The following BRINP1 variants were observed in gnomAD, a reference collection of about 807,000 sequenced individuals.
The protein encoded by BRINP1 is BMP/retinoic acid inducible neural specific 1.
BRINP1 carries 17 observed loss-of-function variants against 72.9 expected under a neutral mutation model. That is an observed-to-expected ratio of 0.23 (90% CI 0.16 to 0.35). The LOEUF (loss-of-function observed/expected upper bound fraction) is 0.35. Among genes scored for constraint, BRINP1 ranks in the 10% least tolerant of loss-of-function variants. BRINP1 has a pLI of 1.00. For missense variants in BRINP1, 850 were observed against 1,001.6 expected (o/e 0.85, Z 2.04); for synonymous variants, 418 against 378.5 (o/e 1.10, Z -1.21).
chr9:119,303,807 C>A (rs748240649), intron 2 of BRINP1, among the ~76,000 whole-genome samples: 9 of 151,980 alleles, frequency 5.9e-5, no homozygotes, highest in Non-Finnish European at 1.0e-4. Context: ...GGGGTGGATA[C>A]TTCAGGTATT....
At chr9:119,284,448 T>G (rs1359828296) in intron 2 of BRINP1, among the ~76,000 whole-genome samples, 1 of 152,216 alleles carries the variant, frequency 6.6e-6, no homozygotes, top group South Asian at 2.1e-4. Flanking sequence ...AGCCTCATTT[T>G]AAAAATGGAT....
At chr9:119,362,543 ACCC>A (rs1268940285) in intron 1 of BRINP1, among the ~76,000 whole-genome samples, 1 of 152,048 alleles carries the variant, frequency 6.6e-6, no homozygotes, top group South Asian at 2.1e-4. Flanking sequence ...TCATCACCAT[ACCC>A]CCCAAGTCAC....
intron 2 of BRINP1, among the ~76,000 whole-genome samples, chr9:119,290,370 AATT>A (rs1175415423): frequency 8.5e-5 from 13 of 152,154 alleles, no homozygotes; most frequent in Admixed American, 5.9e-4. Flanking sequence ...GTTACTATAA[AATT>A]ATTATTATTA....
chr9:119,308,973 GAA>G (rs34551014), intron 2 of BRINP1, among the ~76,000 whole-genome samples: 8 of 146,552 alleles, frequency 5.5e-5, no homozygotes, highest in South Asian at 2.2e-4. Flanking sequence ...TCACAGTTAG[GAA>G]AAAAAAAAAC....
intron 1 of BRINP1, among the ~76,000 whole-genome samples, chr9:119,316,046 G>A (rs1037054912): frequency 3.9e-5 from 6 of 152,262 alleles, no homozygotes; most frequent in African/African-American, 1.4e-4. Flanking sequence ...CCAGAAGATC[G>A]AGCTTCAATT....
intron 7 of BRINP1, among the ~76,000 whole-genome samples, chr9:119,180,478 CATGT>C (rs760448262): frequency 5.8e-4 from 70 of 120,388 alleles, no homozygotes; most frequent in Admixed American, 1.7e-3. Flanking sequence ...TCTCTCTGTG[CATGT>C]GTGTGTGTGT....
intron 7 of BRINP1, among the ~76,000 whole-genome samples, chr9:119,175,564 A>T (rs937900520): frequency 6.6e-6 from 1 of 152,144 alleles, no homozygotes; most frequent in Non-Finnish European, 1.5e-5. Flanking sequence ...CCAGAGCTCC[A>T]AACTCTCCAT....
At chr9:119,321,595 C>T (rs1394557333) in intron 1 of BRINP1, among the ~76,000 whole-genome samples, 1 of 152,178 alleles carries the variant, frequency 6.6e-6, no homozygotes, top group Non-Finnish European at 1.5e-5. Context: ...CTGCATCAGC[C>T]TCCCCACTAG....
chr9:119,345,957 A>T (rs1367674613), intron 1 of BRINP1, among the ~76,000 whole-genome samples: 1 of 152,110 alleles, frequency 6.6e-6, no homozygotes, highest in East Asian at 1.9e-4. Flanking sequence ...CCTGTTTGAG[A>T]TTGCACAGCT....
chr9:119,340,604 G>C (rs1202246498), intron 1 of BRINP1, among the ~76,000 whole-genome samples: 1 of 152,140 alleles, frequency 6.6e-6, no homozygotes, highest in Non-Finnish European at 1.5e-5. Context: ...AGAAGTCGTA[G>C]GACTCAATTG....
intron 1 of BRINP1, among the ~76,000 whole-genome samples, chr9:119,314,924 G>A (rs1423691808): frequency 7.2e-5 from 11 of 152,082 alleles, no homozygotes; most frequent in Admixed American, 5.9e-4. Flanking sequence ...GATGAATGTC[G>A]ATACTGATGT....
chr9:119,264,559 C>T (rs950466210), intron 2 of BRINP1, among the ~76,000 whole-genome samples: 11 of 152,216 alleles, frequency 7.2e-5, no homozygotes, highest in Non-Finnish European at 1.6e-4. Context: ...TGTCCTCATC[C>T]CAGTCACTTT....
intron 1 of BRINP1, among the ~76,000 whole-genome samples, chr9:119,327,360 G>A (rs1039681477): frequency 1.2e-4 from 19 of 152,142 alleles, no homozygotes; most frequent in Non-Finnish European, 2.5e-4. Flanking sequence ...GGAGGACCAA[G>A]ATTCCTGTTT....
intron 7 of BRINP1, among the ~76,000 whole-genome samples, chr9:119,177,360 A>ACC (rs1829501044): frequency 6.6e-6 from 1 of 151,914 alleles, no homozygotes; most frequent in East Asian, 1.9e-4. Context: ...TGTGGCTCCC[A>ACC]CCTCCCAAAC....
intron 1 of BRINP1, among the ~76,000 whole-genome samples, chr9:119,341,750 C>T (rs1315107995): frequency 1.3e-5 from 2 of 152,016 alleles, no homozygotes; most frequent in East Asian, 3.8e-4. Context: ...CATTATAAGT[C>T]CAAGAGCATC....
At chr9:119,190,307 GAAAT>G (rs367843664) in intron 7 of BRINP1, among the ~76,000 whole-genome samples, 21 of 147,506 alleles carry the variant, frequency 1.4e-4, no homozygotes, top group African/African-American at 5.3e-4. Flanking sequence ...GATCAGAACA[GAAAT>G]AAATCAAATA....
intron 5 of BRINP1, among the ~76,000 whole-genome samples, chr9:119,217,543 T>G (rs1588167503): frequency 6.6e-6 from 1 of 152,066 alleles, no homozygotes; most frequent in Non-Finnish European, 1.5e-5. Flanking sequence ...TAAAATAATC[T>G]TGTTATAATT....
intron 5 of BRINP1, among the ~76,000 whole-genome samples, chr9:119,225,319 C>T (rs1291560568): frequency 6.6e-6 from 1 of 151,936 alleles, no homozygotes; most frequent in African/African-American, 2.4e-5. Context: ...ATTTGAAATA[C>T]AGTTATCCCT....
chr9:119,167,003 GTTTT>G lies in BRINP1; in HGVS notation c.*77_*80del. On this transcript the variant is annotated 3_prime_UTR_variant, in exon 8 of 8. Coordinates refer to ENST00000265922, the MANE Select transcript of BRINP1 (RefSeq NM_014618.3). The surrounding 1 kb of genome is among the most constrained non-coding windows in gnomAD (Gnocchi z 4.3). Reference sequence around the variant, plus strand: ...AATTACATTTTACAAATTTTTGTGGGTTTTTTTGTTTTGTTTTGCTTCATTTTGT... The same window carrying G: ...AATTACATTTTACAAATTTTTGTGGGTTTGTTTTGTTTTGCTTCATTTTGT... 2.1e-6 allele frequency: 3 copies of G among 1,418,516 alleles called. No individual in the cohort carries two copies. The highest frequency in any genetic ancestry group is 2.3e-5 in the East Asian group (1 of 42,874). The allele number at this position is 1,418,516 out of a possible 1,614,324, so 87.9% of individuals were successfully genotyped here.
Sources: gnomAD v4.1 joint callset for allele counts (sites outside exome capture counted in the v4.1 genomes callset) on GRCh38, gnomAD v4.1.1 for gene constraint, Gnocchi (gnomAD v3.1) non-coding constraint, MANE v1.5 for transcripts, NCBI Gene and HGNC (gene_info 2026-07-23, HGNC 2026-07-21) for gene names.